Variants in ACOX2 observed in about 807,000 individuals in gnomAD.
ACOX2 encodes the protein peroxisomal acyl-coenzyme A oxidase 2.
Under a neutral mutation model 77.5 loss-of-function variants are expected in ACOX2, and 59 were observed. The observed-to-expected ratio is 0.76, with a 90% CI of 0.62 to 0.95. The LOEUF (loss-of-function observed/expected upper bound fraction) is 0.95. ACOX2 is among the 40% of genes least tolerant of loss of function. The pLI, the probability that ACOX2 is intolerant of heterozygous loss-of-function variation, is 0.00. For missense variants in ACOX2, 837 were observed against 880.4 expected, an observed-to-expected ratio of 0.95 and a Z score of 0.62; for synonymous variants, 317 against 340.1, an observed-to-expected ratio of 0.93 and a Z score of 0.75.
At position 58,531,574 on chromosome 3, in the gene ACOX2, C is replaced by T. The variant is rs2063439873; in HGVS notation, c.703+119G>A. 28 of 1,477,354 alleles carry T rather than the reference C, an allele frequency of 1.9e-5. No homozygotes were observed. The highest frequency in any genetic ancestry group is 2.3e-5 in the Non-Finnish European group (25 of 1,092,768). 91.5% of individuals were successfully genotyped at this position (1,477,354 alleles called of 1,614,324 possible). On this transcript the variant is annotated intron_variant, in intron 6 of 14. Transcript: ENST00000302819. This position sits in a 1 kb window ranked among gnomAD's most constrained non-coding sequence, Gnocchi z 5.8. The stretch of plus-strand genomic sequence containing the variant: ...GCACCAAGTCTGTCCAACTGGACCG[C>T]TCCCTGCCCAAGGGAGACATGTCTT...
intron 9 of ACOX2, among the ~76,000 whole-genome samples, chr3:58,527,397 G>C (rs143428507): frequency 6.6e-6 from 1 of 152,022 alleles, no homozygotes; most frequent in Non-Finnish European, 1.5e-5. Flanking sequence ...TTAGCTGGGC[G>C]TGGTGGCGTG....
At position 58,510,481 on chromosome 3, in the gene ACOX2, A is replaced by C. The variant is rs1406000674; in HGVS notation, c.1851-1456T>G. Among the ~76,000 whole-genome samples, 5 of 150,330 alleles carry C rather than the reference A, an allele frequency of 3.3e-5. No individual in the cohort carries two copies. The East Asian group carries it at 7.8e-4, about 23-fold the overall frequency. ...AACCCTGTCTCTACTAAAAATACAAAAATTAGCCAGGTGTGGTGGTGTGTG... is the reference window on the plus strand; with the variant it reads ...AACCCTGTCTCTACTAAAAATACAACAATTAGCCAGGTGTGGTGGTGTGTG... On this transcript the variant is annotated intron_variant, in intron 13 of 14. Coordinates refer to ENST00000302819, the MANE Select transcript of ACOX2 (RefSeq NM_003500.4).
intron 9 of ACOX2, among the ~76,000 whole-genome samples, chr3:58,527,851 C>A (rs1553856459): frequency 7.1e-6 from 1 of 141,190 alleles, no homozygotes; most frequent in Admixed American, 7.7e-5. Context: ...TGCTACCACA[C>A]CTGACTAATT....
At chr3:58,520,571 G>C (rs1202101112) in intron 12 of ACOX2, among the ~76,000 whole-genome samples, 1 of 152,352 alleles carries the variant, frequency 6.6e-6, no homozygotes, top group South Asian at 2.1e-4. Flanking sequence ...GCTCCCCCTT[G>C]TCTACTCTTC....
At position 58,521,484 on chromosome 3, in the gene ACOX2, T is replaced by C. The variant is rs1292120638; in HGVS notation, c.1632+1012A>G. Among the ~76,000 whole-genome samples the C allele has an allele frequency of 6.6e-6, 1 of 152,214 alleles. No homozygotes were observed. The highest frequency in any genetic ancestry group is 1.9e-4 in the East Asian group (1 of 5,198). Reference sequence around the variant, plus strand: ...CACTCTGAGGCCTGTCCCTGCCTTCTTCCCCCTTAGCATCTCTGATCTACC... The same window carrying C: ...CACTCTGAGGCCTGTCCCTGCCTTCCTCCCCCTTAGCATCTCTGATCTACC... On this transcript the variant is annotated intron_variant, in intron 12 of 14. Coordinates refer to ENST00000302819, the MANE Select transcript of ACOX2 (RefSeq NM_003500.4). The surrounding 1 kb of genome is among the most constrained non-coding windows in gnomAD (Gnocchi z 4.8).
At position 58,533,368 on chromosome 3, in the gene ACOX2, C is replaced by A; in HGVS notation, c.583+77G>T. ...AATCAATCTGAGGTCTGTTGGACCT[C>A]AAAGCCAGTGCTACTCTGCCCTCCA... On this transcript the variant is annotated intron_variant, in intron 5 of 14. Coordinates refer to ENST00000302819, the MANE Select transcript of ACOX2 (RefSeq NM_003500.4). This position sits in a 1 kb window ranked among gnomAD's most constrained non-coding sequence, Gnocchi z 5.6. 7.3e-7 allele frequency: 1 copy of A among 1,376,016 alleles called. No individual in the cohort carries two copies. Among genetic ancestry groups the A allele is most frequent in the Non-Finnish European group, 1.0e-6 (1 of 977,638 alleles). The allele number at this position is 1,376,016 out of a possible 1,614,324, so 85.2% of individuals were successfully genotyped here.
At chr3:58,530,425 G>C (rs372647310) in intron 8 of ACOX2, 41 bp downstream of exon 8, 3 of 1,597,212 alleles carry the variant, frequency 1.9e-6, no homozygotes, top group Non-Finnish European at 2.6e-6. Flanking sequence ...GGGACCAAGA[G>C]GCAGCATATC....
Position 58,517,336 on chromosome 3 carries a change from G to C in ACOX2, c.1720C>G (p.Arg574Gly), listed in dbSNP as rs151184272. 6.2e-7 allele frequency: 1 copy of C among 1,614,142 alleles called. No individual in the cohort carries two copies. The highest frequency in any genetic ancestry group is 1.7e-5 in the Admixed American group (1 of 60,020). The change falls in exon 13 of 15, where the codon CGC becomes GGC. Residue 574 changes from arginine to glycine, a missense_variant. Transcript: ENST00000302819. ...NEPAIQQVLK[R>G]LCDLHAIHGI... The stretch of plus-strand genomic sequence containing the variant: ...TGTATGGCATGGAGGTCACAGAGGC[G>C]CTTGAGCACCTGCTGAATCGCTGGT...
In ACOX2 at chr3:58,526,752, G is replaced by T; in HGVS notation, c.1156-96C>A. On this transcript the variant is annotated intron_variant, in intron 9 of 14. Coordinates refer to ENST00000302819, the MANE Select transcript of ACOX2 (RefSeq NM_003500.4). This position sits in a 1 kb window ranked among gnomAD's most constrained non-coding sequence, Gnocchi z 4.3. ...CTTACTGAGCATCTACTCATGCCCAGCTCAGCTCTGAGGTAAGAAGTGTTT... is the reference window on the plus strand; with the variant it reads ...CTTACTGAGCATCTACTCATGCCCATCTCAGCTCTGAGGTAAGAAGTGTTT... The T allele has an allele frequency of 2.2e-6, 3 of 1,333,482 alleles. No homozygotes were observed. Among genetic ancestry groups the T allele is most frequent in the Non-Finnish European group, 3.1e-6 (3 of 967,582 alleles). The allele number at this position is 1,333,482 out of a possible 1,614,324, so 82.6% of individuals were successfully genotyped here.
chr3:58,535,050 G>A lies in ACOX2; in HGVS notation c.57C>T (p.His19=), dbSNP rs768969083. The change falls in exon 2 of 15, where the codon CAC becomes CAT. Residue 19 remains histidine (H), a synonymous_variant. Coordinates refer to ENST00000302819, the MANE Select transcript of ACOX2 (RefSeq NM_003500.4). The surrounding 1 kb of genome is among the most constrained non-coding windows in gnomAD (Gnocchi z 4.8). ...TATACCTCTCGCTCTCTATGTCGGG[G>A]TGCATTTGCCTGCTCCAGGTATCCC... is the stretch of plus-strand genomic sequence containing the variant. ...SLGDTWSRQM[H]PDIESERYMQ... is the part of the protein sequence containing the mutation. 1.5e-5 allele frequency: 25 copies of A among 1,614,064 alleles called. No homozygotes were observed. Among genetic ancestry groups the A allele is most frequent in the Admixed American group, 6.7e-5 (4 of 60,000 alleles).
At position 58,522,643 on chromosome 3, in the gene ACOX2, G is replaced by T. The variant is rs1368124385; in HGVS notation, c.1527-42C>A. On this transcript the variant is annotated intron_variant, in intron 11 of 14. Transcript: ENST00000302819. The surrounding 1 kb of genome is among the most constrained non-coding windows in gnomAD (Gnocchi z 4.3). Reference sequence around the variant, plus strand: ...AAAAGGTTCAGCTTCCTGACTGAGTGGAAAAGACAACTGATGGGCTTCCTG... The same window carrying T: ...AAAAGGTTCAGCTTCCTGACTGAGTTGAAAAGACAACTGATGGGCTTCCTG... 6.3e-7 allele frequency: 1 copy of T among 1,578,628 alleles called. No homozygotes were observed. The highest frequency in any genetic ancestry group is 1.1e-5 in the South Asian group (1 of 90,204).
In ACOX2 at chr3:58,521,320, T is replaced by G. The variant is rs992537929; in HGVS notation, c.1632+1176A>C. ...CCTCTGCAGCCCTTCAGGGCTCTCC[T>G]GTTCCAAGGCTGCCATTTTCTGGGT... On this transcript the variant is annotated intron_variant, in intron 12 of 14. Transcript: ENST00000302819. This position sits in a 1 kb window ranked among gnomAD's most constrained non-coding sequence, Gnocchi z 4.8. 4.6e-5 allele frequency among the ~76,000 whole-genome samples: 7 copies of G among 152,232 alleles called. No individual in the cohort carries two copies. The highest frequency in any genetic ancestry group is 8.8e-5 in the Non-Finnish European group (6 of 68,036).
rs373137317 is a variant in ACOX2 at position 58,505,290 on chromosome 3, T to G, written c.1984-4A>C. ...ATTCCTCATAGGCAGGGTTCTCCTG[T>G]TTGTAGAAAGAAACGCATTATTAAC... On this transcript the variant is annotated splice_polypyrimidine_tract_variant and splice_region_variant and intron_variant, in intron 14 of 14. Transcript: ENST00000302819. This position sits in a 1 kb window ranked among gnomAD's most constrained non-coding sequence, Gnocchi z 4.4. 9 of 1,610,998 alleles carry G rather than the reference T, an allele frequency of 5.6e-6. No individual in the cohort carries two copies. Among genetic ancestry groups the G allele is most frequent in the Admixed American group, 1.7e-5 (1 of 59,568 alleles).
intron 13 of ACOX2, among the ~76,000 whole-genome samples, chr3:58,509,619 T>TG (rs1326319648): frequency 2.0e-5 from 3 of 146,944 alleles, no homozygotes; most frequent in Non-Finnish European, 4.5e-5. Flanking sequence ...TGTTTTTTTT[T>TG]TTTTTTTTGA....
At position 58,515,644 on chromosome 3, in the gene ACOX2, T is replaced by C. The variant is rs1207341675; in HGVS notation, c.1850+1562A>G. Among the ~76,000 whole-genome samples the C allele has an allele frequency of 2.0e-5, 3 of 152,200 alleles. No individual in the cohort carries two copies. The highest frequency in any genetic ancestry group is 4.4e-5 in the Non-Finnish European group (3 of 68,032). ...TTGTTGATATAAGAATTGTTGGAGA[T>C]TCTAGGAGTCGCCTCTAACCCCATG... On this transcript the variant is annotated intron_variant, in intron 13 of 14. Transcript: ENST00000302819. This position sits in a 1 kb window ranked among gnomAD's most constrained non-coding sequence, Gnocchi z 4.0.
At position 58,534,587 on chromosome 3, in the gene ACOX2, C is replaced by T. The variant is rs760249887; in HGVS notation, c.161-65G>A. The T allele has an allele frequency of 3.7e-6, 6 of 1,612,692 alleles. No individual in the cohort carries two copies. The South Asian group carries it at 4.4e-5, about 12-fold the overall frequency. The stretch of plus-strand genomic sequence containing the variant: ...GAGGTTTCTGGCACCTTGAAATCTT[C>T]TCACCCACTTGCTTCATGGATCTGG... On this transcript the variant is annotated intron_variant, in intron 2 of 14. Coordinates refer to ENST00000302819, the MANE Select transcript of ACOX2 (RefSeq NM_003500.4). The surrounding 1 kb of genome is among the most constrained non-coding windows in gnomAD (Gnocchi z 4.8).
At chr3:58,536,087 T>C (rs190547549) in intron 1 of ACOX2, among the ~76,000 whole-genome samples, 27 of 152,168 alleles carry the variant, frequency 1.8e-4, no homozygotes, top group Non-Finnish European at 3.8e-4. Flanking sequence ...GTCCTTGCTG[T>C]GTCTACCCAA....
In ACOX2 at chr3:58,519,407, G is replaced by C. The variant is rs1202007138; in HGVS notation, c.1633-1984C>G. ...ATAGAAAAAAAAAGAGTGCCTTGGGGGTTCAAAGGAGTTCACCCAGGCGGA... is the reference window on the plus strand; with the variant it reads ...ATAGAAAAAAAAAGAGTGCCTTGGGCGTTCAAAGGAGTTCACCCAGGCGGA... On this transcript the variant is annotated intron_variant, in intron 12 of 14. Coordinates refer to ENST00000302819, the MANE Select transcript of ACOX2 (RefSeq NM_003500.4). This position sits in a 1 kb window ranked among gnomAD's most constrained non-coding sequence, Gnocchi z 5.0. Among the ~76,000 whole-genome samples, 1 of 152,130 alleles carries C rather than the reference G, an allele frequency of 6.6e-6. No individual in the cohort carries two copies. The highest frequency in any genetic ancestry group is 1.5e-5 in the Non-Finnish European group (1 of 68,022).
At chr3:58,511,034 A>T (rs931285669) in intron 13 of ACOX2, 2 of 456,236 alleles carry the variant, frequency 4.4e-6, no homozygotes, top group African/African-American at 4.0e-5. Context: ...TTTTGCCTGG[A>T]TGGCTTTACA....
Sources: gnomAD v4.1 joint callset for allele counts (sites outside exome capture counted in the v4.1 genomes callset) on GRCh38, gnomAD v4.1.1 for gene constraint, Gnocchi (gnomAD v3.1) non-coding constraint, MANE v1.5 for transcripts, NCBI Gene and HGNC (gene_info 2026-07-23, HGNC 2026-07-21) for gene names.